Variants in SHISA9 observed in about 807,000 individuals in gnomAD.
SHISA9 encodes protein shisa-9.
In SHISA9, 13 loss-of-function variants were observed where a neutral mutation model predicts 38.0. The ratio of observed to expected loss-of-function variants is 0.34; its 90% CI spans 0.22 to 0.54. SHISA9 has a LOEUF of 0.54. SHISA9 is among the 20% of genes least tolerant of loss of function. SHISA9 has a pLI of 0.91. For missense variants in SHISA9, 538 were observed against 575.8 expected (o/e 0.93, Z 0.67); for synonymous variants, 275 against 242.0 (o/e 1.14, Z -1.27).
chr16:13,019,887 CTTTCTTT>C (rs1567184097), intron 2 of SHISA9, among the ~76,000 whole-genome samples: 572 of 12,970 alleles, frequency 0.044, 34 homozygotes, highest in East Asian at 0.087. Context: ...TCCCTCCCTT[CTTTCTTT>C]CTTTCTTTCT....
chr16:13,501,783 C>G, the SHISA9 span, among the ~76,000 whole-genome samples: 1 of 152,014 alleles, frequency 6.6e-6, no homozygotes, highest in Non-Finnish European at 1.5e-5. Context: ...GGGTGGATCA[C>G]CTGAGGTCAG....
the SHISA9 span, among the ~76,000 whole-genome samples, chr16:13,421,951 A>C: frequency 6.6e-6 from 1 of 152,226 alleles, no homozygotes; most frequent in Non-Finnish European, 1.5e-5. Context: ...GGAAATGCCC[A>C]TGTGGTGATC....
At chr16:13,393,638 G>A in the SHISA9 span, among the ~76,000 whole-genome samples, 1 of 152,126 alleles carries the variant, frequency 6.6e-6, no homozygotes, top group African/African-American at 2.4e-5. Context: ...GTCCTATCAG[G>A]GACGTTGGCT....
At chr16:13,408,549 T>C in the SHISA9 span, among the ~76,000 whole-genome samples, 3 of 152,228 alleles carry the variant, frequency 2.0e-5, no homozygotes, top group Non-Finnish European at 4.4e-5. Context: ...TTATTATCAA[T>C]GACTCAGAAA....
At chr16:13,081,630 C>T (rs1221787536) in intron 2 of SHISA9, among the ~76,000 whole-genome samples, 1 of 151,852 alleles carries the variant, frequency 6.6e-6, no homozygotes, top group African/African-American at 2.4e-5. Flanking sequence ...ACCAGATAAT[C>T]AGAGCGCTTG....
intron 2 of SHISA9, among the ~76,000 whole-genome samples, chr16:13,106,434 G>C (rs1447941690): frequency 6.6e-6 from 1 of 152,102 alleles, no homozygotes; most frequent in Non-Finnish European, 1.5e-5. Flanking sequence ...CAGTTTCCTT[G>C]TTATAGGATA....
intron 2 of SHISA9, among the ~76,000 whole-genome samples, chr16:13,164,896 A>C (rs1482388864): frequency 6.6e-6 from 1 of 152,156 alleles, no homozygotes; most frequent in Non-Finnish European, 1.5e-5. Flanking sequence ...TATGGCTTAC[A>C]ATATGGTTCA....
chr16:13,175,100 C>G (rs962002120), intron 2 of SHISA9, among the ~76,000 whole-genome samples: 1 of 152,022 alleles, frequency 6.6e-6, no homozygotes, highest in Non-Finnish European at 1.5e-5. Flanking sequence ...TGGTAGCTGG[C>G]TCATGCCTGT....
the SHISA9 span, among the ~76,000 whole-genome samples, chr16:13,517,097 C>G: frequency 6.6e-6 from 1 of 151,988 alleles, no homozygotes; most frequent in Non-Finnish European, 1.5e-5. Flanking sequence ...GCCTTAAATC[C>G]AGTAGCTGGT....
the SHISA9 span, among the ~76,000 whole-genome samples, chr16:13,387,657 T>G: frequency 6.6e-6 from 1 of 151,988 alleles, no homozygotes; most frequent in African/African-American, 2.4e-5. Context: ...GCCTGGCTAA[T>G]TTTTGTATTT....
intron 2 of SHISA9, among the ~76,000 whole-genome samples, chr16:13,178,103 A>G (rs1220209080): frequency 1.3e-5 from 2 of 152,238 alleles, no homozygotes; most frequent in Non-Finnish European, 2.9e-5. Flanking sequence ...TTTAAAGAAG[A>G]GAAGGTGCTT....
chr16:13,156,564 C>G (rs1285551945), intron 2 of SHISA9, among the ~76,000 whole-genome samples: 1 of 151,972 alleles, frequency 6.6e-6, no homozygotes, highest in African/African-American at 2.4e-5. Context: ...GAAACCCCGT[C>G]TCTACTAACA....
At chr16:13,492,398 C>T in the SHISA9 span, among the ~76,000 whole-genome samples, 1 of 152,150 alleles carries the variant, frequency 6.6e-6, no homozygotes, top group Non-Finnish European at 1.5e-5. Flanking sequence ...CTTTTTACTT[C>T]AGAATCTGAG....
chr16:13,010,763 C>T (rs1163298305), intron 2 of SHISA9, among the ~76,000 whole-genome samples: 2 of 152,050 alleles, frequency 1.3e-5, no homozygotes, highest in Non-Finnish European at 2.9e-5. Context: ...ACCGGTCTGG[C>T]CAACATGGTG....
intron 2 of SHISA9, among the ~76,000 whole-genome samples, chr16:13,117,077 A>C (rs754277639): frequency 6.6e-6 from 1 of 152,104 alleles, no homozygotes; most frequent in South Asian, 2.1e-4. Context: ...GGTTCAAGCA[A>C]TTCTCCTACC....
At chr16:13,261,058 G>A in the SHISA9 span, among the ~76,000 whole-genome samples, 6 of 152,038 alleles carry the variant, frequency 3.9e-5, no homozygotes, top group African/African-American at 7.2e-5. Flanking sequence ...GGAAGAACTC[G>A]CCCCCATGAT....
the SHISA9 span, among the ~76,000 whole-genome samples, chr16:13,359,077 A>C: frequency 1.0e-5 from 1 of 98,854 alleles, no homozygotes; most frequent in Non-Finnish European, 2.2e-5. Context: ...CATCCGTTGG[A>C]CTTCAACTGA....
chr16:13,188,135 T>G (rs1368633020), intron 2 of SHISA9, among the ~76,000 whole-genome samples: 5 of 152,186 alleles, frequency 3.3e-5, no homozygotes, highest in Non-Finnish European at 7.3e-5. Context: ...AAATGGTCCA[T>G]AAACAAAACA....
the SHISA9 span, among the ~76,000 whole-genome samples, chr16:13,472,377 ATTTTTTT>A: frequency 5.1e-3 from 282 of 55,434 alleles, 2 homozygotes; most frequent in South Asian, 9.3e-3. Context: ...GCTCTGCTAA[ATTTTTTT>A]TTTTTTTTTT....
Sources: allele counts gnomAD v4.1 joint callset (sites outside exome capture counted in the v4.1 genomes callset), GRCh38; gene constraint gnomAD v4.1.1; transcripts MANE v1.5; gene names NCBI Gene and HGNC (gene_info 2026-07-23, HGNC 2026-07-21).